GABRB3: variants seen among roughly 807,000 people sequenced by gnomAD.
GABRB3 encodes the protein gamma-aminobutyric acid type A receptor subunit beta3.
GABRB3 carries 14 observed loss-of-function variants against 52.1 expected under a neutral mutation model. The observed-to-expected ratio is 0.27, with a 90% confidence interval of 0.18 to 0.42. GABRB3 has a LOEUF of 0.42. Ranked by LOEUF, GABRB3 falls within the 10% of genes least tolerant of loss-of-function variation. GABRB3 has a pLI of 1.00. For missense variants in GABRB3, 307 were observed against 609.1 expected (o/e 0.50, Z 5.22); for synonymous variants, 260 against 232.3 (o/e 1.12, Z -1.08).
At chr15:26,773,535 C>T, upstream of GABRB3, 3 of 735,248 alleles carry the variant, frequency 4.1e-6, no homozygotes, top group Non-Finnish European at 6.1e-6. Context: ...ACGACCACCG[C>T]CCGCTGCAGC....
chr15:26,659,259 A>C (rs1887466250), intron 3 of GABRB3, among the ~76,000 whole-genome samples: 1 of 152,232 alleles, frequency 6.6e-6, no homozygotes, highest in Non-Finnish European at 1.5e-5. Flanking sequence ...GCAGTGGCTC[A>C]TGCCTGTAAT....
chr15:26,748,936 G>T (rs1890425194), intron 3 of GABRB3, among the ~76,000 whole-genome samples: 1 of 152,068 alleles, frequency 6.6e-6, no homozygotes, highest in African/African-American at 2.4e-5. Context: ...TGAGGCAGGA[G>T]AATCACTTGA....
chr15:26,719,001 C>A (rs1889573660), intron 3 of GABRB3, among the ~76,000 whole-genome samples: 1 of 152,246 alleles, frequency 6.6e-6, no homozygotes, highest in Non-Finnish European at 1.5e-5. Flanking sequence ...TGCCCTTCAC[C>A]AGGCCCCTCT....
In GABRB3 at chr15:26,621,201, G is replaced by T; in HGVS notation, c.461+113C>A. 1.1e-6 allele frequency: 1 copy of T among 901,706 alleles called. No homozygotes were observed. The highest frequency in any genetic ancestry group is 1.9e-6 in the Non-Finnish European group (1 of 539,034). The allele number at this position is 901,706 out of a possible 1,614,324, so 55.9% of individuals were successfully genotyped here. On this transcript the variant is annotated intron_variant, in intron 4 of 8. Transcript: ENST00000311550. The surrounding 1 kb of genome is among the most constrained non-coding windows in gnomAD (Gnocchi z 4.1). ...TGCAAAGCTTTAGTGCTTCATAGAT[G>T]CTTCCTAATTTATCTGAGGTCATTG...
intron 3 of GABRB3, among the ~76,000 whole-genome samples, chr15:26,661,927 C>G (rs1182255818): frequency 6.6e-6 from 1 of 151,622 alleles, no homozygotes; most frequent in East Asian, 1.9e-4. Context: ...CTGATTGCCA[C>G]AAACCACATG....
intron 3 of GABRB3, among the ~76,000 whole-genome samples, chr15:26,690,106 A>ATTTTT (rs56143305): frequency 0.024 from 3,239 of 137,450 alleles, 126 homozygotes; most frequent in Middle Eastern, 0.031. Flanking sequence ...AGGTACACGG[A>ATTTTT]TTTTTTTTTT....
chr15:26,686,856 C>T lies in GABRB3; in HGVS notation c.241-65322G>A, dbSNP rs529277705. ...TTGGAAGGAATATATTTAACAGAAG[C>T]TCTACCTAGAGTGTGATGGTTCTCC... On this transcript the variant is annotated intron_variant, in intron 3 of 8. Transcript: ENST00000311550. 2.0e-5 allele frequency among the ~76,000 whole-genome samples: 3 copies of T among 152,340 alleles called. No individual in the cohort carries two copies. The South Asian group carries it at 6.2e-4, about 32-fold the overall frequency.
chr15:26,709,880 C>T (rs924768396), intron 3 of GABRB3, among the ~76,000 whole-genome samples: 6 of 152,174 alleles, frequency 3.9e-5, no homozygotes, highest in Non-Finnish European at 8.8e-5. Context: ...CACAAACAGA[C>T]TAAGGCAACC....
intron 3 of GABRB3, among the ~76,000 whole-genome samples, chr15:26,707,640 A>C (rs1479724580): frequency 6.6e-6 from 1 of 152,188 alleles, no homozygotes. Context: ...AGCAAGACAC[A>C]TTTCCTAGCT....
In GABRB3 at chr15:26,546,340, G is replaced by C. The variant is rs533291741; in HGVS notation, c.*1453C>G. On this transcript the variant is annotated 3_prime_UTR_variant, in exon 9 of 9. Coordinates refer to ENST00000311550, the MANE Select transcript of GABRB3 (RefSeq NM_000814.6). ...TCTTTAGAAAGATCTCATCTAAATAGTAAGTTAAGGTTGCGTCTATGAAAC... is the reference window on the plus strand; with the variant it reads ...TCTTTAGAAAGATCTCATCTAAATACTAAGTTAAGGTTGCGTCTATGAAAC... 1 of 151,914 alleles carries C rather than the reference G, an allele frequency of 6.6e-6. No individual in the cohort carries two copies. 9.4% of individuals were successfully genotyped at this position (151,914 alleles called of 1,614,324 possible).
At chr15:26,554,159 A>AAGTATATATATATATAAAG (rs1889633058) in intron 8 of GABRB3, among the ~76,000 whole-genome samples, 1 of 19,838 alleles carries the variant, frequency 5.0e-5, no homozygotes, top group Non-Finnish European at 8.6e-5. Flanking sequence ...TATATATATA[A>AAGTATATATATATATAAAG]AGTATATATA....
chr15:26,600,587 G>T (rs1324094123), intron 4 of GABRB3, among the ~76,000 whole-genome samples: 1 of 152,146 alleles, frequency 6.6e-6, no homozygotes, highest in Admixed American at 6.5e-5. Context: ...TATTCAAAAT[G>T]ATAAAGGAAG....
chr15:26,772,993 G>A lies in GABRB3; in HGVS notation c.-31C>T, dbSNP rs1802244037. On this transcript the variant is annotated 5_prime_UTR_variant, in exon 1 of 9. Coordinates refer to ENST00000311550, the MANE Select transcript of GABRB3 (RefSeq NM_000814.6). ...CGCCGCGCCCCGGCACGGGGGAGGG[G>A]GCGCCCCGCCGCCGTCGCGACCCGC... 2 of 1,349,548 alleles carry A rather than the reference G, an allele frequency of 1.5e-6. No homozygotes were observed. Among genetic ancestry groups the A allele is most frequent in the Admixed American group, 2.7e-5 (1 of 37,102 alleles). 83.6% of individuals were successfully genotyped at this position (1,349,548 alleles called of 1,614,324 possible).
intron 3 of GABRB3, among the ~76,000 whole-genome samples, chr15:26,771,283 A>G (rs1891135590): frequency 6.6e-6 from 1 of 152,194 alleles, no homozygotes; most frequent in Admixed American, 6.5e-5. Context: ...GTAGTTTTAA[A>G]TGCAGGGACC....
chr15:26,772,637 C>G, intron 2 of GABRB3, 44 bp downstream of exon 2: 1 of 1,505,804 alleles, frequency 6.6e-7, no homozygotes, highest in South Asian at 1.2e-5. Context: ...GCCGCCGCCG[C>G]CGTGGGTCGC....
chr15:26,557,081 T>C (rs922898263), intron 8 of GABRB3, among the ~76,000 whole-genome samples: 4 of 152,144 alleles, frequency 2.6e-5, no homozygotes, highest in African/African-American at 9.7e-5. Flanking sequence ...ATATACACCA[T>C]GGAATACTAT....
chr15:26,739,191 C>T (rs1890140274), intron 3 of GABRB3, among the ~76,000 whole-genome samples: 1 of 151,994 alleles, frequency 6.6e-6, no homozygotes, highest in Admixed American at 6.6e-5. Context: ...CCAGCCCAGC[C>T]CTGTCTGCTC....
chr15:26,695,291 A>G (rs1231547005), intron 3 of GABRB3, among the ~76,000 whole-genome samples: 1 of 152,164 alleles, frequency 6.6e-6, no homozygotes, highest in Admixed American at 6.5e-5. Flanking sequence ...CACGTTGTCT[A>G]TAGAAGAACA....
intron 3 of GABRB3, chr15:26,656,918 T>C (rs1240179928): frequency 3.3e-5 from 5 of 152,210 alleles, no homozygotes; most frequent in Non-Finnish European, 7.3e-5. Flanking sequence ...ATGTTTCAAA[T>C]AGAGACTGAA....
Sources: allele counts gnomAD v4.1 joint callset (sites outside exome capture counted in the v4.1 genomes callset), GRCh38; gene constraint gnomAD v4.1.1; non-coding constraint Gnocchi (gnomAD v3.1); transcripts MANE v1.5; gene names NCBI Gene and HGNC (gene_info 2026-07-23, HGNC 2026-07-21).